The following IL15 variants were observed in gnomAD, a reference collection of about 807,000 sequenced individuals.
The protein encoded by IL15 is interleukin 15, also known as interleukin-15.
Under a neutral mutation model 19.6 loss-of-function variants are expected in IL15, and 11 were observed. The ratio of observed to expected loss-of-function variants is 0.56; its 90% CI spans 0.35 to 0.93. IL15 has a LOEUF of 0.93. Among genes scored for constraint, IL15 ranks in the 40% least tolerant of loss-of-function variants. The probability of loss-of-function intolerance (pLI) is 0.01; values close to 1 mark genes in which losing one functional copy is unlikely to be tolerated. For synonymous variants in IL15, 58 were observed against 59.6 expected (o/e 0.97, Z 0.12); for missense variants, 197 against 186.5 (o/e 1.06, Z -0.33).
At chr4:141,677,245 T>C (rs2152170568) in intron 2 of IL15, among the ~76,000 whole-genome samples, 1 of 152,304 alleles carries the variant, frequency 6.6e-6, no homozygotes, top group South Asian at 2.1e-4. Flanking sequence ...ACCTCTCCTT[T>C]TCCTCCTCAG....
intron 2 of IL15, among the ~76,000 whole-genome samples, chr4:141,680,570 G>A (rs1728501124): frequency 1.3e-5 from 2 of 152,156 alleles, no homozygotes; most frequent in Non-Finnish European, 2.9e-5. Context: ...GCCACCCTGT[G>A]TGCTATTAAA....
intron 2 of IL15, among the ~76,000 whole-genome samples, chr4:141,686,138 TA>T (rs568002225): frequency 6.6e-6 from 1 of 151,466 alleles, no homozygotes; most frequent in African/African-American, 2.4e-5. Context: ...CTGCTAAAAA[TA>T]AAAAAATTAG....
At chr4:141,683,908 C>T (rs1182841398) in intron 2 of IL15, among the ~76,000 whole-genome samples, 1 of 152,104 alleles carries the variant, frequency 6.6e-6, no homozygotes, top group Non-Finnish European at 1.5e-5. Flanking sequence ...AAACATATTG[C>T]GAATGGATTT....
chr4:141,643,031 T>C (rs1260101412), intron 1 of IL15, among the ~76,000 whole-genome samples: 1 of 152,184 alleles, frequency 6.6e-6, no homozygotes, highest in African/African-American at 2.4e-5. Flanking sequence ...AATGTTGGAA[T>C]ACTGTAATAA....
At chr4:141,715,661 A>G (rs1729857992) in intron 2 of IL15, 2 of 152,190 alleles carry the variant, frequency 1.3e-5, no homozygotes, top group Non-Finnish European at 2.9e-5. Flanking sequence ...AATCAAGGAA[A>G]GTGATGTTGT....
At chr4:141,664,818 C>T (rs1727915225) in intron 2 of IL15, among the ~76,000 whole-genome samples, 1 of 152,160 alleles carries the variant, frequency 6.6e-6, no homozygotes, top group Non-Finnish European at 1.5e-5. Flanking sequence ...CTAATTCTTA[C>T]ATACATACTT....
At chr4:141,688,850 A>T in intron 2 of IL15, 1 of 162,270 alleles carries the variant, frequency 6.2e-6, no homozygotes, top group Non-Finnish European at 1.3e-5. Context: ...CTGTGTCCGG[A>T]ATTGATGGGT....
At chr4:141,656,842 T>C (rs1397853228) in intron 2 of IL15, among the ~76,000 whole-genome samples, 3 of 152,216 alleles carry the variant, frequency 2.0e-5, no homozygotes, top group African/African-American at 4.8e-5. Flanking sequence ...AATGAGTTTA[T>C]GTAAGGATAT....
At chr4:141,663,299 T>C (rs1447158476) in intron 2 of IL15, among the ~76,000 whole-genome samples, 2 of 152,192 alleles carry the variant, frequency 1.3e-5, no homozygotes, top group Non-Finnish European at 2.9e-5. Context: ...GGGGCAGAAA[T>C]TGGGTGATCC....
chr4:141,695,271 C>G (rs1027095879), intron 2 of IL15, among the ~76,000 whole-genome samples: 1 of 118,822 alleles, frequency 8.4e-6, no homozygotes, highest in African/African-American at 3.3e-5. Context: ...TTCTATGATA[C>G]CTTTTTTTTT....
At chr4:141,707,787 G>C (rs1243776474) in intron 2 of IL15, among the ~76,000 whole-genome samples, 2 of 152,214 alleles carry the variant, frequency 1.3e-5, no homozygotes, top group African/African-American at 4.8e-5. Context: ...GGCACAGAGA[G>C]CTGACAAGCT....
intron 2 of IL15, among the ~76,000 whole-genome samples, chr4:141,711,070 A>T (rs930130564): frequency 8.5e-5 from 13 of 152,140 alleles, no homozygotes; most frequent in Admixed American, 8.5e-4. Flanking sequence ...AATATTTTCT[A>T]TATCATGGTT....
At chr4:141,705,270 A>G (rs933318932) in intron 2 of IL15, among the ~76,000 whole-genome samples, 46 of 151,842 alleles carry the variant, frequency 3.0e-4, no homozygotes, top group African/African-American at 1.1e-3. Context: ...AGGTTTTGAT[A>G]TGATGTGTTT....
chr4:141,733,424 A>T lies in IL15; in HGVS notation c.*576A>T, dbSNP rs1333512518. 6.6e-6 allele frequency: 1 copy of T among 152,276 alleles called. No individual in the cohort carries two copies. Among genetic ancestry groups the T allele is most frequent in the Non-Finnish European group, 1.5e-5 (1 of 68,068 alleles). 9.4% of individuals were successfully genotyped at this position (152,276 alleles called of 1,614,324 possible). ...TAATTTAGTTATTGATGTATAAAGC[A>T]ACTGTTATGAAATAAAGAAATTGCA... On this transcript the variant is annotated 3_prime_UTR_variant, in exon 8 of 8. Coordinates refer to ENST00000320650, the MANE Select transcript of IL15 (RefSeq NM_000585.5).
chr4:141,733,491 T>C lies in IL15; in HGVS notation c.*643T>C, dbSNP rs1248788337. ...GTCCATCAGTAAATCTTGGTGGTGG[T>C]GGCAATAATAAACTTCTACTGATAG... On this transcript the variant is annotated 3_prime_UTR_variant, in exon 8 of 8. Coordinates refer to ENST00000320650, the MANE Select transcript of IL15 (RefSeq NM_000585.5). 1 of 152,230 alleles carries C rather than the reference T, an allele frequency of 6.6e-6. No homozygotes were observed. The highest frequency in any genetic ancestry group is 1.9e-4 in the East Asian group (1 of 5,204). 9.4% of individuals were successfully genotyped at this position (152,230 alleles called of 1,614,324 possible).
At chr4:141,680,514 T>A (rs543256151) in intron 2 of IL15, among the ~76,000 whole-genome samples, 1 of 152,098 alleles carries the variant, frequency 6.6e-6, no homozygotes, top group South Asian at 2.1e-4. Context: ...GTCTTGGCTA[T>A]AAAGTAAAGT....
intron 1 of IL15, among the ~76,000 whole-genome samples, chr4:141,645,039 T>G (rs1283623969): frequency 6.6e-6 from 1 of 152,190 alleles, no homozygotes; most frequent in African/African-American, 2.4e-5. Context: ...TGGCGTAGCC[T>G]GCTTTCTGAT....
At chr4:141,659,774 G>A (rs1578996540) in intron 2 of IL15, among the ~76,000 whole-genome samples, 1 of 152,178 alleles carries the variant, frequency 6.6e-6, no homozygotes, top group Non-Finnish European at 1.5e-5. Context: ...GATTTAAACA[G>A]GGATCTCCCC....
At chr4:141,641,164 G>A (rs1727029324) in intron 1 of IL15, among the ~76,000 whole-genome samples, 2 of 152,076 alleles carry the variant, frequency 1.3e-5, no homozygotes, top group African/African-American at 4.8e-5. Flanking sequence ...ACATTTTACT[G>A]TTAAAGATTT....
Sources: allele counts gnomAD v4.1 joint callset (sites outside exome capture counted in the v4.1 genomes callset), GRCh38; gene constraint gnomAD v4.1.1; transcripts MANE v1.5; gene names NCBI Gene and HGNC (gene_info 2026-07-23, HGNC 2026-07-21).